Variants in CDH8 observed in about 807,000 individuals in gnomAD.
CDH8 encodes the protein cadherin 8.
A neutral mutation model predicts 68.1 loss-of-function variants in CDH8; 17 were observed. That is an observed-to-expected ratio of 0.25 (90% CI 0.17 to 0.37). The LOEUF (loss-of-function observed/expected upper bound fraction) is 0.37, where lower values mean the gene tolerates loss of function less well. Among genes scored for constraint, CDH8 ranks in the 10% least tolerant of loss-of-function variants. The pLI is 1.00. For missense variants in CDH8, 763 were observed against 999.3 expected (o/e 0.76, Z 3.19); for synonymous variants, 372 against 365.1 (o/e 1.02, Z -0.21).
chr16:61,837,203 ATCAC>A (rs1038932190), intron 4 of CDH8, among the ~76,000 whole-genome samples: 3 of 151,984 alleles, frequency 2.0e-5, no homozygotes, highest in African/African-American at 7.2e-5. Context: ...GCTTCATCAG[ATCAC>A]TGTCTGTGCA....
At chr16:61,672,105 G>T (rs1963809076) in intron 10 of CDH8, among the ~76,000 whole-genome samples, 1 of 151,938 alleles carries the variant, frequency 6.6e-6, no homozygotes. Flanking sequence ...TCTCAAGATG[G>T]TATTTGATTT....
chr16:61,962,083 A>G (rs1965164628), intron 2 of CDH8, among the ~76,000 whole-genome samples: 1 of 152,208 alleles, frequency 6.6e-6, no homozygotes, highest in Non-Finnish European at 1.5e-5. Context: ...GAGAAAATAT[A>G]TTTACTGTGC....
At chr16:62,016,660 T>C (rs923975355) in intron 2 of CDH8, among the ~76,000 whole-genome samples, 4 of 152,198 alleles carry the variant, frequency 2.6e-5, no homozygotes, top group African/African-American at 7.2e-5. Context: ...ATGTGAATGC[T>C]CAATGTTTAT....
chr16:61,688,132 G>A (rs1204469236), intron 10 of CDH8, among the ~76,000 whole-genome samples: 1 of 151,950 alleles, frequency 6.6e-6, no homozygotes, highest in African/African-American at 2.4e-5. Context: ...ACTTTTAGAG[G>A]GAGAAGGAAG....
chr16:61,861,290 T>C (rs1204256724), intron 3 of CDH8, among the ~76,000 whole-genome samples: 7 of 152,218 alleles, frequency 4.6e-5, no homozygotes, highest in Admixed American at 4.6e-4. Flanking sequence ...CTAGAGACAC[T>C]AATTTCTATT....
At chr16:61,742,224 C>T (rs1174988818) in intron 8 of CDH8, among the ~76,000 whole-genome samples, 1 of 152,010 alleles carries the variant, frequency 6.6e-6, no homozygotes, top group Non-Finnish European at 1.5e-5. Flanking sequence ...ACCATGCAAA[C>T]TTGACTTACT....
chr16:61,724,801 G>T (rs890826978), intron 9 of CDH8, among the ~76,000 whole-genome samples: 1 of 150,836 alleles, frequency 6.6e-6, no homozygotes, highest in Non-Finnish European at 1.5e-5. Context: ...TATGAGAGAC[G>T]ATTGAAAGTA....
chr16:62,002,580 G>T (rs1430485092), intron 2 of CDH8, among the ~76,000 whole-genome samples: 1 of 152,166 alleles, frequency 6.6e-6, no homozygotes, highest in African/African-American at 2.4e-5. Flanking sequence ...TGGTAATCAG[G>T]TTTCCTATTA....
chr16:61,694,061 T>C (rs1457651398), intron 10 of CDH8, among the ~76,000 whole-genome samples: 1 of 152,156 alleles, frequency 6.6e-6, no homozygotes, highest in Non-Finnish European at 1.5e-5. Flanking sequence ...CTTTAAATCA[T>C]GGGCACGTAC....
At chr16:61,801,381 G>T (rs1961624875) in intron 7 of CDH8, among the ~76,000 whole-genome samples, 2 of 152,178 alleles carry the variant, frequency 1.3e-5, no homozygotes, top group South Asian at 4.1e-4. Context: ...TGAGAAGTGT[G>T]CCCTGTTCTA....
chr16:61,802,399 CG>C (rs1961672091), intron 7 of CDH8, among the ~76,000 whole-genome samples: 1 of 110,792 alleles, frequency 9.0e-6, no homozygotes, highest in Non-Finnish European at 1.8e-5. Flanking sequence ...AACTCTAAAA[CG>C]CAGAGCGCCT....
chr16:61,753,450 G>C (rs112538151), intron 8 of CDH8, among the ~76,000 whole-genome samples: 2,334 of 152,104 alleles, frequency 0.015, 64 homozygotes, highest in African/African-American at 0.053. Flanking sequence ...ATGCTGCCCA[G>C]GCGGGTCTCA....
chr16:61,811,252 T>C (rs1314224916), intron 7 of CDH8, among the ~76,000 whole-genome samples: 3 of 152,106 alleles, frequency 2.0e-5, no homozygotes, highest in Non-Finnish European at 2.9e-5. Context: ...AATGAATGAG[T>C]TTCTGAATAT....
rs1963343571 is a variant in CDH8, at chr16:61,652,538, C to T, written c.*1070G>A. The T allele has an allele frequency of 9.7e-7, 1 of 1,030,448 alleles. No homozygotes were observed. The highest frequency in any genetic ancestry group is 1.2e-6 in the Non-Finnish European group (1 of 859,794). The allele number at this position is 1,030,448 out of a possible 1,614,324, so 63.8% of individuals were successfully genotyped here. On this transcript the variant is annotated 3_prime_UTR_variant, in exon 12 of 12. Transcript: ENST00000577390. ...CCTGCCATCTCCAGTTACAATAACACTTTCTACTCTAAAGAGACTATTAGC... is the reference window on the plus strand; with the variant it reads ...CCTGCCATCTCCAGTTACAATAACATTTTCTACTCTAAAGAGACTATTAGC...
At chr16:62,014,254 A>G (rs991514701) in intron 2 of CDH8, among the ~76,000 whole-genome samples, 8 of 152,146 alleles carry the variant, frequency 5.3e-5, no homozygotes, top group Non-Finnish European at 1.2e-4. Context: ...TTAAATGACT[A>G]ATATTATTCT....
At position 61,691,339 on chromosome 16, in the gene CDH8, G is replaced by C. The variant is rs79657592; in HGVS notation, c.1654+22502C>G. Among the ~76,000 whole-genome samples the C allele has an allele frequency of 9.5e-3, 1,435 of 151,550 alleles. 29 individuals carry two copies. The highest frequency in any genetic ancestry group is 0.033 in the African/African-American group (1,366 of 41,162). Reference sequence around the variant, plus strand: ...CCTATTTGCACTATCAAGCTCTGTGGTTTGCATACATGTGCATTATCTTTT... The same window carrying C: ...CCTATTTGCACTATCAAGCTCTGTGCTTTGCATACATGTGCATTATCTTTT... On this transcript the variant is annotated intron_variant, in intron 10 of 11. Transcript: ENST00000577390.
At chr16:61,888,913 G>C (rs1261435461) in intron 3 of CDH8, among the ~76,000 whole-genome samples, 1 of 152,104 alleles carries the variant, frequency 6.6e-6, no homozygotes, top group Non-Finnish European at 1.5e-5. Flanking sequence ...AGACAATGAT[G>C]AGATCTGTAA....
At chr16:61,861,377 A>G (rs1485636646) in intron 3 of CDH8, among the ~76,000 whole-genome samples, 1 of 152,178 alleles carries the variant, frequency 6.6e-6, no homozygotes, top group African/African-American at 2.4e-5. Flanking sequence ...ATAGTCATGC[A>G]AACTGTTTCC....
intron 10 of CDH8, among the ~76,000 whole-genome samples, chr16:61,664,528 A>G (rs552762640): frequency 1.3e-5 from 2 of 152,102 alleles, no homozygotes; most frequent in South Asian, 2.1e-4. Flanking sequence ...TTTAAAATAA[A>G]TCAGAGAGAG....
Sources: gnomAD v4.1 joint callset for allele counts (sites outside exome capture counted in the v4.1 genomes callset) on GRCh38, gnomAD v4.1.1 for gene constraint, MANE v1.5 for transcripts, NCBI Gene and HGNC (gene_info 2026-07-23, HGNC 2026-07-21) for gene names.